The following ADGRG6 variants were observed in gnomAD, a reference collection of about 807,000 sequenced individuals.
ADGRG6 encodes adhesion G protein-coupled receptor G6.
A neutral mutation model predicts 142.4 loss-of-function variants in ADGRG6; 84 were observed. The observed-to-expected ratio is 0.59, with a 90% CI of 0.49 to 0.71. The LOEUF (loss-of-function observed/expected upper bound fraction) is 0.71, where lower values mean the gene tolerates loss of function less well. Ranked by LOEUF, ADGRG6 falls within the 30% of genes least tolerant of loss-of-function variation. ADGRG6 has a pLI of 0.00. For synonymous variants in ADGRG6, 521 were observed against 520.5 expected (o/e 1.00, Z -0.01); for missense variants, 1,367 against 1,466.6 (o/e 0.93, Z 1.11).
intron 1 of ADGRG6, among the ~76,000 whole-genome samples, chr6:142,307,358 T>C (rs925934279): frequency 1.3e-5 from 2 of 152,042 alleles, no homozygotes; most frequent in African/African-American, 4.8e-5. Context: ...TTTTGTGAAA[T>C]GAGGTTAGAT....
At chr6:142,313,614 G>C (rs574096126) in intron 2 of ADGRG6, among the ~76,000 whole-genome samples, 7 of 152,160 alleles carry the variant, frequency 4.6e-5, no homozygotes, top group Non-Finnish European at 1.0e-4. Flanking sequence ...GGCCTGAATT[G>C]TGTACTTTCT....
chr6:142,332,070 A>C (rs1779088502), intron 2 of ADGRG6, among the ~76,000 whole-genome samples: 1 of 152,212 alleles, frequency 6.6e-6, no homozygotes, highest in Admixed American at 6.5e-5. Context: ...TACTTCAGAA[A>C]AAGAGAAACC....
At position 142,417,177 on chromosome 6, in the gene ADGRG6, CTTCTT is replaced by C. The variant is rs3830794; in HGVS notation, c.2939-92_2939-88del. On this transcript the variant is annotated intron_variant, in intron 20 of 24. Transcript: ENST00000367609. ...GGAATGTTGGCTTGCTTGCATTTCT[CTTCTT>C]TTCATTTCTTTTCTTTACATTTCAT... 0.19 allele frequency: 148,039 copies of C among 766,306 alleles called. 14,543 individuals are homozygous for C. The highest frequency in any genetic ancestry group is 0.23 in the South Asian group (15,394 of 68,144). 47.5% of individuals were successfully genotyped at this position (766,306 alleles called of 1,614,324 possible). A position where few individuals can be genotyped will look rare whatever the true frequency, so the allele number is the denominator to read the frequency against.
chr6:142,372,531 G>A (rs1487558665), intron 4 of ADGRG6, among the ~76,000 whole-genome samples: 3 of 152,166 alleles, frequency 2.0e-5, no homozygotes, highest in African/African-American at 4.8e-5. Flanking sequence ...TACAGGTGGT[G>A]GAAAGGCTGT....
intron 13 of ADGRG6, among the ~76,000 whole-genome samples, chr6:142,403,507 T>C (rs1775643412): frequency 6.6e-6 from 1 of 152,176 alleles, no homozygotes; most frequent in Non-Finnish European, 1.5e-5. Flanking sequence ...AGGATGCTTT[T>C]TCATGTTGGA....
intron 6 of ADGRG6, among the ~76,000 whole-genome samples, chr6:142,385,082 G>A (rs1781961292): frequency 6.6e-6 from 1 of 152,022 alleles, no homozygotes. Flanking sequence ...CATACAAAGA[G>A]CCTCTGTGGT....
chr6:142,315,490 T>A (rs2114551861), intron 2 of ADGRG6, among the ~76,000 whole-genome samples: 1 of 152,114 alleles, frequency 6.6e-6, no homozygotes, highest in Non-Finnish European at 1.5e-5. Context: ...ATGAGAAAAG[T>A]GTATTAATCC....
intron 6 of ADGRG6, among the ~76,000 whole-genome samples, chr6:142,386,720 T>C (rs1382793922): frequency 6.6e-6 from 1 of 152,230 alleles, no homozygotes; most frequent in Non-Finnish European, 1.5e-5. Flanking sequence ...CATTCATTCA[T>C]TGACTTTCCA....
chr6:142,377,823 T>G (rs1001546597), intron 4 of ADGRG6, among the ~76,000 whole-genome samples: 1 of 152,198 alleles, frequency 6.6e-6, no homozygotes, highest in African/African-American at 2.4e-5. Flanking sequence ...ATAGTTCATG[T>G]ATTTGTTTAT....
At chr6:142,399,948 T>G (rs1175696923) in intron 10 of ADGRG6, among the ~76,000 whole-genome samples, 2 of 152,214 alleles carry the variant, frequency 1.3e-5, no homozygotes, top group East Asian at 3.8e-4. Flanking sequence ...GATAAAGAAG[T>G]CTGAGAGTTT....
rs1486302755 is a variant in ADGRG6, at chr6:142,419,964, GAGA to G, written c.3185_3187del (p.Glu1062del). 58 of 1,613,462 alleles carry G rather than the reference GAGA, an allele frequency of 3.6e-5. No individual in the cohort carries two copies. In the Admixed American group the frequency reaches 8.8e-4, roughly 25 times the overall value. Reference sequence around the variant, plus strand: ...GGCAAGAGAAGCAACCGGACCCTGAGAGAAGAAGTGTTAAGGAACCTGCGCAGT... The same window carrying G: ...GGCAAGAGAAGCAACCGGACCCTGAGAGAAGTGTTAAGGAACCTGCGCAGT... On this transcript the variant is annotated inframe_deletion, in exon 22 of 25. Transcript: ENST00000367609.
intron 2 of ADGRG6, among the ~76,000 whole-genome samples, chr6:142,341,467 ATAT>A (rs566778198): frequency 1.8e-3 from 211 of 115,956 alleles, no homozygotes; most frequent in African/African-American, 6.6e-3. Flanking sequence ...AGTATATATA[ATAT>A]TATGTAGTAT....
At chr6:142,389,314 T>A (rs1230590439) in intron 6 of ADGRG6, among the ~76,000 whole-genome samples, 1 of 151,998 alleles carries the variant, frequency 6.6e-6, no homozygotes, top group African/African-American at 2.4e-5. Flanking sequence ...GCTATAATTA[T>A]GTATTTCTAT....
At chr6:142,392,904 T>C in intron 7 of ADGRG6, 44 bp from the exon 8 acceptor site, 1 of 1,330,252 alleles carries the variant, frequency 7.5e-7, no homozygotes, top group Non-Finnish European at 1.1e-6. Context: ...AGATATTTTT[T>C]AAAGGTATTA....
Position 142,402,044 on chromosome 6 carries a change from T to C in ADGRG6, c.1730T>C (p.Ile577Thr). The C allele has an allele frequency of 6.5e-7, 1 of 1,543,508 alleles. No homozygotes were observed. The highest frequency in any genetic ancestry group is 8.9e-7 in the Non-Finnish European group (1 of 1,123,484). The change falls in exon 12 of 25, where the codon ATC becomes ACC. Residue 577 changes from isoleucine (I) to threonine (T), a missense_variant. By Grantham distance (89) the Ile-to-Thr change is moderately conservative. Around this residue, in one of 3 missense-constraint regions of ADGRG6, gnomAD observed 737 missense variants for 746.5 expected, o/e 0.99. Coordinates refer to ENST00000367609, the MANE Select transcript of ADGRG6 (RefSeq NM_198569.3). ...GTAACCTACTGGGGACCTGTTGATA[T>C]CTCCAACTGTTTAAGTAAGTGAGCA... The part of the protein sequence containing the change: ...PLVTYWGPVD[I>T]SNCLKEANEV...
At chr6:142,334,082 C>A (rs1175607425) in intron 2 of ADGRG6, among the ~76,000 whole-genome samples, 2 of 152,162 alleles carry the variant, frequency 1.3e-5, no homozygotes, top group Non-Finnish European at 2.9e-5. Flanking sequence ...GATATGGCAT[C>A]TGTTTTATGA....
intron 1 of ADGRG6, among the ~76,000 whole-genome samples, chr6:142,306,359 A>G (rs1433063287): frequency 6.6e-6 from 1 of 152,212 alleles, no homozygotes; most frequent in Non-Finnish European, 1.5e-5. Context: ...AAACAGGACT[A>G]AAGCAAATTG....
rs1777392949 is a variant in ADGRG6, at chr6:142,434,702, G to A, written c.3320-2732G>A. 2.6e-5 allele frequency among the ~76,000 whole-genome samples: 4 copies of A among 152,112 alleles called. No homozygotes were observed. In the South Asian group the frequency reaches 8.3e-4, roughly 32 times the overall value. The stretch of plus-strand genomic sequence containing the variant: ...AGTACTTTCATAGTGGCATTTTTCT[G>A]CAAGTCAAAATATGTAATGATTCTT... On this transcript the variant is annotated intron_variant, in intron 22 of 24. Transcript: ENST00000367609.
At chr6:142,356,208 A>C (rs1780436366) in intron 2 of ADGRG6, among the ~76,000 whole-genome samples, 1 of 152,258 alleles carries the variant, frequency 6.6e-6, no homozygotes, top group Non-Finnish European at 1.5e-5. Flanking sequence ...CATCAAGAGC[A>C]CGCTAAAGCA....
Sources: gnomAD v4.1 joint callset for allele counts (sites outside exome capture counted in the v4.1 genomes callset) on GRCh38, gnomAD v4.1.1 for gene constraint, gnomAD v4.1.1 regional missense constraint, MANE v1.5 for transcripts, NCBI Gene and HGNC (gene_info 2026-07-23, HGNC 2026-07-21) for gene names.